Variants in ACSS3 observed in about 807,000 individuals in gnomAD.
The protein encoded by ACSS3 is acyl-CoA synthetase short-chain family member 3, mitochondrial.
A neutral mutation model predicts 84.2 loss-of-function variants in ACSS3; 64 were observed. That is an observed-to-expected ratio of 0.76 (90% CI 0.62 to 0.94). The LOEUF is 0.94. Ranked by LOEUF, ACSS3 falls within the 40% of genes least tolerant of loss-of-function variation. The pLI is 0.00. For missense variants in ACSS3, 815 were observed against 867.6 expected, an observed-to-expected ratio of 0.94 and a Z score of 0.76; for synonymous variants, 317 against 310.1, an observed-to-expected ratio of 1.02 and a Z score of -0.23.
At chr12:81,207,143 G>A (rs906646323) in intron 9 of ACSS3, among the ~76,000 whole-genome samples, 11 of 152,168 alleles carry the variant, frequency 7.2e-5, no homozygotes, top group Admixed American at 5.9e-4. Context: ...CAAGGATCAC[G>A]TATAAACCAT....
At chr12:81,241,148 G>C (rs942287360) in intron 13 of ACSS3, among the ~76,000 whole-genome samples, 4 of 151,750 alleles carry the variant, frequency 2.6e-5, no homozygotes, top group Admixed American at 1.3e-4. Flanking sequence ...ATCCATGTCT[G>C]TACAAAGGAC....
intron 7 of ACSS3, among the ~76,000 whole-genome samples, chr12:81,156,181 G>A (rs1886853014): frequency 7.6e-6 from 1 of 131,882 alleles, no homozygotes; most frequent in African/African-American, 2.7e-5. Flanking sequence ...GAAATATCCA[G>A]GAAAACACAC....
At chr12:81,086,081 C>T (rs1881292358) in intron 1 of ACSS3, among the ~76,000 whole-genome samples, 2 of 152,126 alleles carry the variant, frequency 1.3e-5, no homozygotes, top group Admixed American at 1.3e-4. Flanking sequence ...CAAACAAATG[C>T]TCAGCTACAT....
chr12:81,202,408 A>C (rs1484891499), intron 9 of ACSS3, among the ~76,000 whole-genome samples: 1 of 152,214 alleles, frequency 6.6e-6, no homozygotes. Flanking sequence ...TTATTATGAA[A>C]TATTACAAAA....
At chr12:81,251,455 G>A (rs1379428181) in intron 13 of ACSS3, among the ~76,000 whole-genome samples, 2 of 151,974 alleles carry the variant, frequency 1.3e-5, no homozygotes, top group Non-Finnish European at 2.9e-5. Context: ...GATAATGGGG[G>A]AGGCTATGTA....
chr12:81,085,671 C>T (rs1387917860), intron 1 of ACSS3, among the ~76,000 whole-genome samples: 1 of 152,142 alleles, frequency 6.6e-6, no homozygotes, highest in South Asian at 2.1e-4. Context: ...TTTTTGGCTA[C>T]TAAATTGAAG....
chr12:81,181,223 A>G (rs1282498080), intron 8 of ACSS3, among the ~76,000 whole-genome samples: 1 of 151,224 alleles, frequency 6.6e-6, no homozygotes, highest in African/African-American at 2.4e-5. Flanking sequence ...CACAATCAAT[A>G]TCACTGCCAC....
At chr12:81,190,936 A>G (rs1426248003) in intron 8 of ACSS3, among the ~76,000 whole-genome samples, 2 of 152,052 alleles carry the variant, frequency 1.3e-5, no homozygotes, top group African/African-American at 2.4e-5. Context: ...CAATCTTGAA[A>G]TAAATACATC....
At chr12:81,079,608 T>C (rs1030989888) in intron 1 of ACSS3, among the ~76,000 whole-genome samples, 1 of 152,210 alleles carries the variant, frequency 6.6e-6, no homozygotes, top group Admixed American at 6.5e-5. Flanking sequence ...ATCAATTATT[T>C]TTTCAATAGT....
In ACSS3 at chr12:81,213,901, TG is replaced by T. The variant is rs1565724053; in HGVS notation, c.1355-2999del. Reference sequence around the variant, plus strand: ...CTTTCTTTCCTTTCTTTCTTTCTTTTGTCCTTCCTTCCTTCCTTCCTTCCTT... The same window carrying T: ...CTTTCTTTCCTTTCTTTCTTTCTTTTTCCTTCCTTCCTTCCTTCCTTCCTT... On this transcript the variant is annotated intron_variant, in intron 9 of 15. Transcript: ENST00000548058. 6.5e-3 allele frequency among the ~76,000 whole-genome samples: 470 copies of T among 72,318 alleles called. 43 individuals carry two copies. Among genetic ancestry groups the T allele is most frequent in the Non-Finnish European group, 9.6e-3 (359 of 37,328 alleles). The allele number at this position is 72,318 out of a possible 152,430, so 47.4% of individuals were successfully genotyped here. A position where few individuals can be genotyped will look rare whatever the true frequency, so the allele number is the denominator to read the frequency against.
intron 1 of ACSS3, among the ~76,000 whole-genome samples, chr12:81,082,154 T>A (rs565149384): frequency 2.6e-5 from 4 of 152,352 alleles, no homozygotes; most frequent in African/African-American, 7.2e-5. Context: ...TGGGCTTCCA[T>A]TGAACTCATC....
At chr12:81,110,021 A>G (rs1434799186) in intron 2 of ACSS3, among the ~76,000 whole-genome samples, 1 of 152,150 alleles carries the variant, frequency 6.6e-6, no homozygotes, top group Non-Finnish European at 1.5e-5. Context: ...TGCTCCCCAG[A>G]TCTTGTACTA....
Position 81,255,003 on chromosome 12 carries a change from A to G in ACSS3, c.*81A>G. 8.0e-7 allele frequency: 1 copy of G among 1,252,604 alleles called. No individual in the cohort carries two copies. The highest frequency in any genetic ancestry group is 1.1e-6 in the Non-Finnish European group (1 of 903,724). The allele number at this position is 1,252,604 out of a possible 1,614,324, so 77.6% of individuals were successfully genotyped here. Reference sequence around the variant, plus strand: ...TATTTGAGTTGTTTCTCAGAAATAAATATTTCAGTAGAAATTACTTGCAAA... The same window carrying G: ...TATTTGAGTTGTTTCTCAGAAATAAGTATTTCAGTAGAAATTACTTGCAAA... On this transcript the variant is annotated 3_prime_UTR_variant, in exon 16 of 16. Transcript: ENST00000548058.
At chr12:81,085,513 G>T (rs2121292603) in intron 1 of ACSS3, among the ~76,000 whole-genome samples, 1 of 152,270 alleles carries the variant, frequency 6.6e-6, no homozygotes, top group East Asian at 1.9e-4. Flanking sequence ...TGAGGGAATT[G>T]AATCTTAAGG....
At chr12:81,152,134 T>A in intron 7 of ACSS3, 38 bp downstream of exon 7, 1 of 1,537,892 alleles carries the variant, frequency 6.5e-7, no homozygotes, top group Non-Finnish European at 8.9e-7. Flanking sequence ...TAAATGATAT[T>A]TATTTTATTA....
chr12:81,234,664 T>C lies in ACSS3; in HGVS notation c.1719+1193T>C, dbSNP rs2033573561. On this transcript the variant is annotated intron_variant, in intron 13 of 15. Transcript: ENST00000548058. ...TAATAACTAGTGATATTGAGCATCT[T>C]TTCACAAGCTTATTTGCCATCCATA... Among the ~76,000 whole-genome samples, 3 of 151,518 alleles carry C rather than the reference T, an allele frequency of 2.0e-5. No homozygotes were observed. In the South Asian group the frequency reaches 6.2e-4, roughly 31 times the overall value.
chr12:81,090,534 T>G (rs934887085), intron 1 of ACSS3, among the ~76,000 whole-genome samples: 2 of 151,980 alleles, frequency 1.3e-5, no homozygotes, highest in African/African-American at 4.8e-5. Flanking sequence ...CTAATCCATC[T>G]CCTAAATCTG....
chr12:81,197,156 G>A (rs2031876587), intron 8 of ACSS3, among the ~76,000 whole-genome samples: 2 of 151,850 alleles, frequency 1.3e-5, no homozygotes, highest in African/African-American at 4.8e-5. Flanking sequence ...AGATTTAAAG[G>A]TATTATCTTC....
chr12:81,109,804 G>A, intron 2 of ACSS3, 100 bp downstream of exon 2: 2 of 975,976 alleles, frequency 2.0e-6, no homozygotes, highest in Non-Finnish European at 2.8e-6. Flanking sequence ...CTAATGCATT[G>A]AAATATGTTG....
Sources: gnomAD v4.1 joint callset for allele counts (sites outside exome capture counted in the v4.1 genomes callset) on GRCh38, gnomAD v4.1.1 for gene constraint, MANE v1.5 for transcripts, NCBI Gene and HGNC (gene_info 2026-07-23, HGNC 2026-07-21) for gene names.